Variants in CTNND2 observed in about 807,000 individuals in gnomAD.
CTNND2 encodes the protein catenin delta-2.
In CTNND2, 22 loss-of-function variants were observed where a neutral mutation model predicts 144.4. The observed-to-expected ratio is 0.15, with a 90% CI of 0.11 to 0.22. CTNND2 has a LOEUF of 0.22. CTNND2 is among the 10% of genes least tolerant of loss of function. The pLI is 1.00. For synonymous variants in CTNND2, 751 were observed against 695.6 expected, an observed-to-expected ratio of 1.08 and a Z score of -1.25; for missense variants, 1,353 against 1,618.8, an observed-to-expected ratio of 0.84 and a Z score of 2.82.
chr5:11,203,201 C>T (rs910285014), intron 10 of CTNND2, among the ~76,000 whole-genome samples: 1 of 152,228 alleles, frequency 6.6e-6, no homozygotes, highest in Non-Finnish European at 1.5e-5. Flanking sequence ...ATTTTAAACA[C>T]TTAAAATGTA....
At chr5:11,222,830 C>G (rs995730690) in intron 10 of CTNND2, among the ~76,000 whole-genome samples, 1 of 152,080 alleles carries the variant, frequency 6.6e-6, no homozygotes, top group African/African-American at 2.4e-5. Flanking sequence ...ATAAGCCTGT[C>G]CATTTTACCA....
intron 2 of CTNND2, among the ~76,000 whole-genome samples, chr5:11,669,431 A>C (rs1039477329): frequency 2.0e-5 from 3 of 152,124 alleles, no homozygotes; most frequent in East Asian, 1.9e-4. Flanking sequence ...TTGCTGCCTC[A>C]ATTTCAGAAC....
At chr5:11,303,003 C>A (rs945040187) in intron 9 of CTNND2, among the ~76,000 whole-genome samples, 7 of 152,188 alleles carry the variant, frequency 4.6e-5, no homozygotes, top group Non-Finnish European at 7.3e-5. Context: ...CCTGGGTTAA[C>A]TTGCTGTCTT....
Position 11,903,176 on chromosome 5 carries a change from C to A in CTNND2, c.37+641G>T, listed in dbSNP as rs936097232. 3 of 985,320 alleles carry A rather than the reference C, an allele frequency of 3.0e-6. 1 individual carries two copies. The East Asian group carries it at 3.4e-4, about 112-fold the overall frequency. The allele number at this position is 985,320 out of a possible 1,614,324, so 61.0% of individuals were successfully genotyped here. A position where few individuals can be genotyped will look rare whatever the true frequency, so the allele number is the denominator to read the frequency against. ...CACACGCACAGCCTTCCAAACCTGG[C>A]TTTCAGGCGGCGCTTTCTGGAGCCT... On this transcript the variant is annotated intron_variant, in intron 1 of 21. Transcript: ENST00000304623. This position sits in a 1 kb window ranked among gnomAD's most constrained non-coding sequence, Gnocchi z 5.4.
chr5:11,208,666 A>G (rs1738302019), intron 10 of CTNND2, among the ~76,000 whole-genome samples: 1 of 152,212 alleles, frequency 6.6e-6, no homozygotes, highest in African/African-American at 2.4e-5. Context: ...TTAGAAATGT[A>G]AATGTAAAAC....
chr5:11,396,943 G>C, intron 6 of CTNND2, 88 bp downstream of exon 6: 1 of 1,329,928 alleles, frequency 7.5e-7, no homozygotes, highest in South Asian at 1.7e-5. Flanking sequence ...AGGCAGGCTG[G>C]ATCTCCACAA....
At chr5:11,560,981 A>G (rs567864201) in intron 3 of CTNND2, among the ~76,000 whole-genome samples, 1 of 152,274 alleles carries the variant, frequency 6.6e-6, no homozygotes, top group South Asian at 2.1e-4. Context: ...AACGGAGAGT[A>G]TGACAAGGGC....
At chr5:11,344,536 T>C (rs1196616059) in intron 9 of CTNND2, among the ~76,000 whole-genome samples, 1 of 152,196 alleles carries the variant, frequency 6.6e-6, no homozygotes, top group Non-Finnish European at 1.5e-5. Context: ...AATAGTCCAG[T>C]TCTGGTTCTA....
chr5:11,241,645 T>G (rs556199444), intron 9 of CTNND2, among the ~76,000 whole-genome samples: 41 of 152,356 alleles, frequency 2.7e-4, no homozygotes, highest in Non-Finnish European at 4.9e-4. Context: ...GGGAATGATT[T>G]ATCTCCAAGG....
At chr5:11,271,198 A>C (rs939432907) in intron 9 of CTNND2, among the ~76,000 whole-genome samples, 6 of 152,192 alleles carry the variant, frequency 3.9e-5, no homozygotes, top group African/African-American at 1.4e-4. Flanking sequence ...ATTCCATTAC[A>C]TTATTATTCT....
chr5:11,174,698 C>T (rs187258712), intron 11 of CTNND2, among the ~76,000 whole-genome samples: 70 of 152,242 alleles, frequency 4.6e-4, no homozygotes, highest in Middle Eastern at 6.8e-3. Context: ...AGTGATTATA[C>T]GCAGAGCACG....
intron 5 of CTNND2, among the ~76,000 whole-genome samples, chr5:11,409,508 CAAT>C (rs1328709281): frequency 1.3e-5 from 2 of 152,040 alleles, no homozygotes; most frequent in Non-Finnish European, 2.9e-5. Flanking sequence ...CAAATGTTCA[CAAT>C]AATATTTTTC....
At chr5:11,586,917 T>A (rs1261321248) in intron 2 of CTNND2, among the ~76,000 whole-genome samples, 1 of 151,992 alleles carries the variant, frequency 6.6e-6, no homozygotes. Context: ...TTCAGATATA[T>A]CCACATAATA....
chr5:11,276,044 C>T (rs1179439547), intron 9 of CTNND2, among the ~76,000 whole-genome samples: 1 of 152,132 alleles, frequency 6.6e-6, no homozygotes, highest in African/African-American at 2.4e-5. Flanking sequence ...TGTGACTTTT[C>T]CAGAACACAA....
intron 9 of CTNND2, among the ~76,000 whole-genome samples, chr5:11,241,309 G>A (rs961432566): frequency 2.6e-5 from 4 of 152,194 alleles, no homozygotes; most frequent in Admixed American, 6.5e-5. Context: ...TGAGGGTGAC[G>A]TGAAGGTGCA....
intron 2 of CTNND2, among the ~76,000 whole-genome samples, chr5:11,720,645 C>T (rs1438258437): frequency 6.6e-6 from 1 of 152,042 alleles, no homozygotes; most frequent in Non-Finnish European, 1.5e-5. Flanking sequence ...GGTATGCTGC[C>T]GCGACTCATG....
intron 14 of CTNND2, among the ~76,000 whole-genome samples, chr5:11,101,248 G>A (rs1445188734): frequency 6.6e-6 from 1 of 152,112 alleles, no homozygotes; most frequent in Non-Finnish European, 1.5e-5. Flanking sequence ...AAGTTAATAG[G>A]GGGAAAAGCC....
chr5:11,707,812 A>G (rs1581752130), intron 2 of CTNND2, among the ~76,000 whole-genome samples: 1 of 152,314 alleles, frequency 6.6e-6, no homozygotes, highest in East Asian at 1.9e-4. Flanking sequence ...AAACTACAAA[A>G]AAGCCTCAGG....
intron 2 of CTNND2, among the ~76,000 whole-genome samples, chr5:11,687,480 A>G (rs1314661029): frequency 1.3e-5 from 2 of 152,170 alleles, no homozygotes; most frequent in Non-Finnish European, 2.9e-5. Flanking sequence ...TGCTGCCCCC[A>G]CTTAGTCACC....
Sources: allele counts gnomAD v4.1 joint callset (sites outside exome capture counted in the v4.1 genomes callset), GRCh38; gene constraint gnomAD v4.1.1; non-coding constraint Gnocchi (gnomAD v3.1); transcripts MANE v1.5; gene names NCBI Gene and HGNC (gene_info 2026-07-23, HGNC 2026-07-21).